Variants in DPP10 observed in about 807,000 individuals in gnomAD.
DPP10 encodes inactive dipeptidyl peptidase 10.
DPP10 carries 33 observed loss-of-function variants against 120.9 expected under a neutral mutation model. That is an observed-to-expected ratio of 0.27 (90% CI 0.21 to 0.37). The LOEUF (loss-of-function observed/expected upper bound fraction) is 0.37. DPP10 is among the 10% of genes least tolerant of loss of function. The pLI is 1.00. For missense variants in DPP10, 816 were observed against 942.8 expected, an observed-to-expected ratio of 0.87 and a Z score of 1.76; for synonymous variants, 337 against 326.1, an observed-to-expected ratio of 1.03 and a Z score of -0.36.
intron 5 of DPP10, among the ~76,000 whole-genome samples, chr2:115,568,562 T>TG (rs1026771059): frequency 6.6e-6 from 1 of 151,788 alleles, no homozygotes. Context: ...TCTTTTTTTT[T>TG]TTGTATTTTT....
intron 1 of DPP10, among the ~76,000 whole-genome samples, chr2:114,961,033 CTTTTTTTTTTTTTTTTTT>C (rs772146022): frequency 2.5e-4 from 13 of 52,028 alleles, no homozygotes; most frequent in African/African-American, 8.2e-4. Context: ...CTCTATACGC[CTTTTTTTTTTTTTTTTTT>C]TTTTTTTTTT....
chr2:115,572,304 CT>C (rs940053949), intron 5 of DPP10, among the ~76,000 whole-genome samples: 84 of 151,950 alleles, frequency 5.5e-4, no homozygotes, highest in African/African-American at 2.0e-3. Flanking sequence ...AAACTTACGT[CT>C]TTTTTTCTTC....
At chr2:114,509,744 G>A (rs899998562) in intron 1 of DPP10, among the ~76,000 whole-genome samples, 1 of 152,140 alleles carries the variant, frequency 6.6e-6, no homozygotes, top group African/African-American at 2.4e-5. Flanking sequence ...GATAGTGTTG[G>A]ATATTTGAAG....
At chr2:115,345,823 A>G (rs187382044) in intron 3 of DPP10, among the ~76,000 whole-genome samples, 133 of 152,308 alleles carry the variant, frequency 8.7e-4, no homozygotes, top group African/African-American at 2.4e-3. Flanking sequence ...TAGGTTACCA[A>G]AATAATATAT....
chr2:115,094,436 A>C (rs1709547123), intron 1 of DPP10, among the ~76,000 whole-genome samples: 1 of 152,194 alleles, frequency 6.6e-6, no homozygotes, highest in Admixed American at 6.5e-5. Context: ...CATTGATCAC[A>C]AGAGTCAAAG....
Position 115,814,903 on chromosome 2 carries a change from G to A in DPP10, c.1811G>A (p.Ser604Asn). Residue 604 changes from serine (S) to asparagine (N), a missense_variant, in exon 20 of 26, where the codon AGT becomes AAT. Transcript: ENST00000410059. Reference protein sequence around the residue: ...VIVARFDGRGSGFQGLKILQE... With the variant: ...VIVARFDGRGNGFQGLKILQE... ...GTAGCAAGATTTGATGGCAGAGGAA[G>A]TGGATTCCAGGGTCTGAAAATTTTG... 4 of 1,613,034 alleles carry A rather than the reference G, an allele frequency of 2.5e-6. No homozygotes were observed. Among genetic ancestry groups the A allele is most frequent in the Non-Finnish European group, 3.4e-6 (4 of 1,179,254 alleles).
chr2:115,500,454 T>C (rs562163040), intron 4 of DPP10, among the ~76,000 whole-genome samples: 1 of 152,154 alleles, frequency 6.6e-6, no homozygotes, highest in Admixed American at 6.6e-5. Flanking sequence ...TGTATTCTAC[T>C]TGTACATTTA....
At chr2:115,664,295 A>G (rs2089262721) in intron 5 of DPP10, among the ~76,000 whole-genome samples, 1 of 151,988 alleles carries the variant, frequency 6.6e-6, no homozygotes, top group Admixed American at 6.6e-5. Flanking sequence ...ACAAATAATT[A>G]CCAATGTTAT....
At chr2:115,158,980 AG>A (rs1466015153) in intron 1 of DPP10, among the ~76,000 whole-genome samples, 1 of 151,400 alleles carries the variant, frequency 6.6e-6, no homozygotes, top group Non-Finnish European at 1.5e-5. Flanking sequence ...TTATCTATTG[AG>A]TTTTTTTTTT....
intron 1 of DPP10, among the ~76,000 whole-genome samples, chr2:115,151,414 C>CTTT (rs35551255): frequency 1.4e-5 from 2 of 141,148 alleles, no homozygotes. Flanking sequence ...CTTTCTTATA[C>CTTT]TTTTTTTTTT....
intron 1 of DPP10, among the ~76,000 whole-genome samples, chr2:115,103,325 C>T (rs2048792735): frequency 1.3e-5 from 2 of 151,920 alleles, no homozygotes; most frequent in Admixed American, 1.3e-4. Context: ...GTAGCTGGGA[C>T]TACAGGCACC....
chr2:115,009,617 A>T (rs1702115647), intron 1 of DPP10, among the ~76,000 whole-genome samples: 1 of 151,862 alleles, frequency 6.6e-6, no homozygotes, highest in Non-Finnish European at 1.5e-5. Flanking sequence ...CAAATATTTA[A>T]AGTAATGGAT....
At chr2:115,080,225 C>G (rs1161325780) in intron 1 of DPP10, among the ~76,000 whole-genome samples, 2 of 152,112 alleles carry the variant, frequency 1.3e-5, no homozygotes, top group Non-Finnish European at 2.9e-5. Flanking sequence ...ACTATATTGG[C>G]CAGGCTGATC....
intron 1 of DPP10, among the ~76,000 whole-genome samples, chr2:115,016,673 C>A (rs561318560): frequency 2.1e-4 from 32 of 152,004 alleles, no homozygotes; most frequent in African/African-American, 6.5e-4. Flanking sequence ...AAAAAACAAC[C>A]CATCAACAAG....
At chr2:115,782,119 G>A (rs72828589) in intron 16 of DPP10, among the ~76,000 whole-genome samples, 12,724 of 151,894 alleles carry the variant, frequency 0.084, 582 homozygotes, top group South Asian at 0.14. Flanking sequence ...ACATTTGGGG[G>A]AAGAGAGAAT....
chr2:114,529,221 C>T (rs1685752317), intron 1 of DPP10, among the ~76,000 whole-genome samples: 1 of 152,114 alleles, frequency 6.6e-6, no homozygotes, highest in Admixed American at 6.6e-5. Flanking sequence ...GAATTTTGCT[C>T]ATATCTGTGT....
chr2:115,586,397 G>A (rs781206499), intron 5 of DPP10, among the ~76,000 whole-genome samples: 2 of 152,138 alleles, frequency 1.3e-5, no homozygotes, highest in African/African-American at 4.8e-5. Flanking sequence ...AACTTAGAAT[G>A]TATGATAAAA....
At chr2:115,681,287 CTAAA>C (rs1325729722) in intron 5 of DPP10, among the ~76,000 whole-genome samples, 2 of 151,614 alleles carry the variant, frequency 1.3e-5, no homozygotes, top group East Asian at 1.9e-4. Context: ...TATGAACAAT[CTAAA>C]TAGCTATTAA....
chr2:115,496,688 A>G (rs1454186971), intron 3 of DPP10, among the ~76,000 whole-genome samples: 2 of 152,062 alleles, frequency 1.3e-5, no homozygotes, highest in African/African-American at 2.4e-5. Context: ...CCTCATCTCA[A>G]TTTAAAATTC....
Sources: gnomAD v4.1 joint callset for allele counts (sites outside exome capture counted in the v4.1 genomes callset) on GRCh38, gnomAD v4.1.1 for gene constraint, MANE v1.5 for transcripts, NCBI Gene and HGNC (gene_info 2026-07-23, HGNC 2026-07-21) for gene names.